MEF2C: variants seen among roughly 807,000 people sequenced by gnomAD.
MEF2C encodes the protein myocyte-specific enhancer factor 2C.
Under a neutral mutation model 50.5 loss-of-function variants are expected in MEF2C, and 6 were observed. The observed-to-expected ratio is 0.12, with a 90% CI of 0.07 to 0.23. The LOEUF is 0.23. MEF2C is among the 10% of genes least tolerant of loss of function. MEF2C has a pLI of 1.00. For missense variants in MEF2C, 276 were observed against 605.0 expected (o/e 0.46, Z 5.70); for synonymous variants, 183 against 228.0 (o/e 0.80, Z 1.78).
chr5:88,888,504 T>C (rs886813747), intron 1 of MEF2C, among the ~76,000 whole-genome samples: 1 of 152,154 alleles, frequency 6.6e-6, no homozygotes, highest in African/African-American at 2.4e-5. Flanking sequence ...ACTTTATGGG[T>C]GTTAGTTGAG....
chr5:88,819,774 T>C (rs572738834), intron 2 of MEF2C, among the ~76,000 whole-genome samples: 1 of 151,982 alleles, frequency 6.6e-6, no homozygotes, highest in Non-Finnish European at 1.5e-5. Context: ...CAGTAAAGCT[T>C]TATTGGAGCA....
intron 1 of MEF2C, among the ~76,000 whole-genome samples, chr5:88,870,016 AT>A (rs1455254398): frequency 2.0e-5 from 3 of 151,658 alleles, no homozygotes; most frequent in African/African-American, 7.3e-5. Flanking sequence ...ATTACAATAC[AT>A]TTTTTAAACA....
At chr5:88,842,699 A>G (rs768842537) in intron 1 of MEF2C, among the ~76,000 whole-genome samples, 4 of 152,224 alleles carry the variant, frequency 2.6e-5, no homozygotes, top group Non-Finnish European at 2.9e-5. Context: ...TCGCAGTAGG[A>G]AAAAGGTGAG....
At chr5:88,828,523 C>T (rs1397938789) in intron 1 of MEF2C, among the ~76,000 whole-genome samples, 2 of 151,988 alleles carry the variant, frequency 1.3e-5, no homozygotes, top group East Asian at 1.9e-4. Flanking sequence ...CTCTATCACA[C>T]AACACTAAAT....
Position 88,899,264 on chromosome 5 carries a change from T to C in MEF2C, c.-240+4652A>G, listed in dbSNP as rs563071762. On this transcript the variant is annotated intron_variant, in intron 1 of 11. Coordinates refer to the MEF2C transcript ENST00000340208. ...CACTGACTTCACAGGCTAGATAGTG[T>C]GTCAGTTTTAATTACTTGGAATGCT... Among the ~76,000 whole-genome samples the C allele has an allele frequency of 3.3e-5, 5 of 152,256 alleles. No individual in the cohort carries two copies. The South Asian group carries it at 8.3e-4, about 25-fold the overall frequency.
At chr5:88,883,264 G>C (rs1833532805), upstream of MEF2C, 1 of 149,758 alleles carries the variant, frequency 6.7e-6, no homozygotes, top group Admixed American at 6.7e-5. Flanking sequence ...GGGGGGGGGC[G>C]CGGGGCCGCG....
chr5:88,902,044 T>C (rs975017060), intron 1 of MEF2C, among the ~76,000 whole-genome samples: 1 of 151,720 alleles, frequency 6.6e-6, no homozygotes, highest in Non-Finnish European at 1.5e-5. Flanking sequence ...ACTTAACAAA[T>C]ACAATTCTGA....
At chr5:88,832,105 T>C (rs2153232525) in intron 1 of MEF2C, among the ~76,000 whole-genome samples, 1 of 152,296 alleles carries the variant, frequency 6.6e-6, no homozygotes. Flanking sequence ...GTCAATTGAC[T>C]GCACACCAAA....
intron 5 of MEF2C, 35 bp from the exon 6 acceptor site, chr5:88,749,152 G>A: frequency 3.2e-6 from 5 of 1,540,442 alleles, no homozygotes; most frequent in Non-Finnish European, 4.4e-6. Context: ...AACGAGAAAG[G>A]CTAAAGGCCC....
intron 1 of MEF2C, among the ~76,000 whole-genome samples, chr5:88,837,558 T>C (rs1815662409): frequency 6.6e-6 from 1 of 152,054 alleles, no homozygotes; most frequent in African/African-American, 2.4e-5. Context: ...TCCTCAGACA[T>C]AAAAAGGGAG....
At chr5:88,766,807 C>A in intron 3 of MEF2C, 1 of 985,312 alleles carries the variant, frequency 1.0e-6, no homozygotes, top group Non-Finnish European at 1.2e-6. Context: ...CTATTAGTTG[C>A]ATCAATGTCA....
chr5:88,804,814 AAGC>A lies in MEF2C; in HGVS notation c.55-16_55-14del, dbSNP rs1432141578. 6.2e-7 allele frequency: 1 copy of A among 1,608,414 alleles called. No individual in the cohort carries two copies. The highest frequency in any genetic ancestry group is 1.3e-5 in the African/African-American group (1 of 74,750). On this transcript the variant is annotated splice_polypyrimidine_tract_variant and intron_variant, in intron 2 of 10. Transcript: ENST00000504921. Reference sequence around the variant, plus strand: ...TTGTAAATGTCACCTAGAAAAAAGAAAGCAGCCAAGATTTTTTAAAAAATATTC... The same window carrying A: ...TTGTAAATGTCACCTAGAAAAAAGAAAGCCAAGATTTTTTAAAAAATATTC...
upstream of MEF2C, among the ~76,000 whole-genome samples, chr5:88,887,932 C>A (rs1322662130): frequency 6.6e-6 from 1 of 152,238 alleles, no homozygotes; most frequent in East Asian, 1.9e-4. Flanking sequence ...TCTAAGGATT[C>A]TATGTTTATC....
Position 88,883,115 on chromosome 5 carries a change from C to T in MEF2C, c.-303G>A, listed in dbSNP as rs1163298639. The T allele has an allele frequency of 6.6e-6, 1 of 152,564 alleles. No homozygotes were observed. Among genetic ancestry groups the T allele is most frequent in the Non-Finnish European group, 1.5e-5 (1 of 68,052 alleles). The allele number at this position is 152,564 out of a possible 1,614,324, so 9.5% of individuals were successfully genotyped here. On this transcript the variant is annotated 5_prime_UTR_variant, in exon 1 of 11. Coordinates refer to ENST00000504921, the MANE Select transcript of MEF2C (RefSeq NM_002397.5). ...GCAGCCACGGCGACCCACACAGAAC[C>T]TTCAAAGTCAATCCAATAGCAGCCC...
chr5:88,902,046 C>T (rs1835716905), intron 1 of MEF2C, among the ~76,000 whole-genome samples: 1 of 151,666 alleles, frequency 6.6e-6, no homozygotes, highest in South Asian at 2.1e-4. Flanking sequence ...TTAACAAATA[C>T]AATTCTGAAG....
chr5:88,784,351 G>A (rs1182710056), intron 3 of MEF2C, among the ~76,000 whole-genome samples: 11 of 152,240 alleles, frequency 7.2e-5, no homozygotes, highest in Non-Finnish European at 1.5e-4. Context: ...TCTGTTTACT[G>A]TAACAAAATT....
intron 6 of MEF2C, chr5:88,744,033 T>C (rs1457629349): frequency 1.0e-6 from 1 of 973,354 alleles, no homozygotes; most frequent in Non-Finnish European, 1.2e-6. Context: ...TTTTTTCTCT[T>C]TTTTTGATCT....
chr5:88,816,260 A>C (rs1266644447), intron 2 of MEF2C, among the ~76,000 whole-genome samples: 1 of 152,034 alleles, frequency 6.6e-6, no homozygotes, highest in Non-Finnish European at 1.5e-5. Context: ...TCTGGCAGTA[A>C]AGGAGTAGAT....
intron 1 of MEF2C, among the ~76,000 whole-genome samples, chr5:88,848,788 T>C (rs1820222779): frequency 6.6e-6 from 1 of 152,186 alleles, no homozygotes; most frequent in South Asian, 2.1e-4. Context: ...TAACGGGTGA[T>C]GTAGAAGTAA....
Sources: allele counts gnomAD v4.1 joint callset (sites outside exome capture counted in the v4.1 genomes callset), GRCh38; gene constraint gnomAD v4.1.1; transcripts MANE v1.5; gene names NCBI Gene and HGNC (gene_info 2026-07-23, HGNC 2026-07-21).